PTPRG: variants seen among roughly 807,000 people sequenced by gnomAD.
The protein encoded by PTPRG is protein tyrosine phosphatase receptor type G.
PTPRG carries 102 observed loss-of-function variants against 165.3 expected under a neutral mutation model. The observed-to-expected ratio is 0.62, with a 90% CI of 0.53 to 0.73. PTPRG has a LOEUF of 0.73. Ranked by LOEUF, PTPRG falls within the 30% of genes least tolerant of loss-of-function variation. The pLI is 0.00. For missense variants in PTPRG, 1,866 were observed against 1,861.4 expected (o/e 1.00, Z -0.05); for synonymous variants, 675 against 669.5 (o/e 1.01, Z -0.13).
In PTPRG at chr3:62,255,160, A is replaced by G. The variant is rs1576182730; in HGVS notation, c.2504A>G (p.Lys835Arg). The G allele has an allele frequency of 5.0e-6, 8 of 1,613,418 alleles. 1 individual carries two copies. Among genetic ancestry groups the G allele is most frequent in the Non-Finnish European group, 5.1e-6 (6 of 1,179,598 alleles). Residue 835 changes from lysine to arginine, a missense_variant, in exon 16 of 30, where the codon AAA becomes AGA. Transcript: ENST00000474889. This position sits in a 1 kb window ranked among gnomAD's most constrained non-coding sequence, Gnocchi z 4.0. ...MEAIPVKQFV[K>R]HIGELYSNNQ... ...GCCATTCCTGTCAAACAGTTTGTCA[A>G]ACACATCGGTGAGCTCTATTCTAAT...
chr3:62,281,439 T>G, intron 26 of PTPRG, 124 bp from the exon 27 acceptor site: 1 of 782,484 alleles, frequency 1.3e-6, no homozygotes, highest in Non-Finnish European at 2.0e-6. Flanking sequence ...AACATATAAC[T>G]CTTATGAATT....
intron 4 of PTPRG, among the ~76,000 whole-genome samples, chr3:62,049,889 T>G (rs17065781): frequency 0.25 from 37,344 of 152,160 alleles, 4,739 homozygotes; most frequent in Admixed American, 0.3. Context: ...TTCGCTGTTT[T>G]TGCTGGACTT....
intron 4 of PTPRG, among the ~76,000 whole-genome samples, chr3:62,011,317 G>A (rs1167555705): frequency 1.3e-5 from 2 of 152,170 alleles, no homozygotes; most frequent in African/African-American, 2.4e-5. Flanking sequence ...GAGGTTCTAC[G>A]GGAACCCTTC....
intron 4 of PTPRG, among the ~76,000 whole-genome samples, chr3:62,026,871 G>C (rs146915811): frequency 1.9e-3 from 75 of 39,810 alleles, no homozygotes; most frequent in Non-Finnish European, 2.8e-3. Context: ...GGGAAACCGA[G>C]TGAGAATTAA....
Position 61,681,640 on chromosome 3 carries a change from C to G in PTPRG, c.86-67238C>G, listed in dbSNP as rs1172564999. ...TTCTATGAAATGTGGATTATAAGGA[C>G]TCATGCCCCATGGAATTTCTATAGG... On this transcript the variant is annotated intron_variant, in intron 1 of 29. Coordinates refer to ENST00000474889, the MANE Select transcript of PTPRG (RefSeq NM_002841.4). Among the ~76,000 whole-genome samples the G allele has an allele frequency of 3.3e-5, 5 of 152,080 alleles. No individual in the cohort carries two copies. The South Asian group carries it at 8.3e-4, about 25-fold the overall frequency.
chr3:61,723,717 C>G (rs2032144029), intron 1 of PTPRG, among the ~76,000 whole-genome samples: 2 of 152,122 alleles, frequency 1.3e-5, no homozygotes, highest in African/African-American at 4.8e-5. Context: ...AGTACAATAT[C>G]AAAACCAGGA....
intron 2 of PTPRG, among the ~76,000 whole-genome samples, chr3:61,796,952 A>G (rs2035065002): frequency 6.6e-6 from 1 of 152,166 alleles, no homozygotes; most frequent in East Asian, 1.9e-4. Flanking sequence ...CATTGTGTTC[A>G]TCTGTTTTCT....
At chr3:61,615,142 A>G (rs777489383) in intron 1 of PTPRG, among the ~76,000 whole-genome samples, 9 of 152,262 alleles carry the variant, frequency 5.9e-5, no homozygotes, top group Non-Finnish European at 7.3e-5. Context: ...ACAGTCGTGT[A>G]TCACAATACA....
Position 61,607,313 on chromosome 3 carries a change from G to C in PTPRG, c.85+44941G>C, listed in dbSNP as rs116053329. On this transcript the variant is annotated intron_variant, in intron 1 of 29. Coordinates refer to ENST00000474889, the MANE Select transcript of PTPRG (RefSeq NM_002841.4). The stretch of plus-strand genomic sequence containing the variant: ...TTTGGTGTGAATCCTCTGTCTCCTT[G>C]ACATGAGTATCCTTTAAATACTTAG... Among the ~76,000 whole-genome samples, 393 of 152,254 alleles carry C rather than the reference G, an allele frequency of 2.6e-3. 1 individual carries two copies. The highest frequency in any genetic ancestry group is 8.7e-3 in the African/African-American group (360 of 41,554).
intron 1 of PTPRG, among the ~76,000 whole-genome samples, chr3:61,732,758 A>AAATCAATC (rs1251235747): frequency 1.5e-5 from 2 of 131,502 alleles, no homozygotes; most frequent in Non-Finnish European, 3.4e-5. Flanking sequence ...ATAAATAAAT[A>AAATCAATC]AATCTTGCAT....
intron 2 of PTPRG, among the ~76,000 whole-genome samples, chr3:61,824,733 G>C (rs2036058924): frequency 6.6e-6 from 1 of 152,232 alleles, no homozygotes; most frequent in South Asian, 2.1e-4. Context: ...CAAGGTTGCA[G>C]TGAGCTGTGA....
chr3:61,634,399 G>A (rs750760626), intron 1 of PTPRG, among the ~76,000 whole-genome samples: 2 of 151,788 alleles, frequency 1.3e-5, no homozygotes, highest in South Asian at 2.1e-4. Flanking sequence ...CACCACGCCC[G>A]GCTAATTTTT....
chr3:62,265,847 TACACAC>T (rs3046596), intron 17 of PTPRG, among the ~76,000 whole-genome samples: 10,369 of 126,720 alleles, frequency 0.082, 455 homozygotes, highest in Non-Finnish European at 0.1. Context: ...CATACATACA[TACACAC>T]ACACACACAC....
chr3:62,196,613 A>G (rs1699970016), intron 10 of PTPRG, among the ~76,000 whole-genome samples: 1 of 152,040 alleles, frequency 6.6e-6, no homozygotes, highest in African/African-American at 2.4e-5. Flanking sequence ...TGGTTTGATG[A>G]CAGGCCTTAA....
intron 1 of PTPRG, chr3:61,739,092 T>A (rs2032884827): frequency 6.9e-6 from 1 of 145,888 alleles, no homozygotes; most frequent in Non-Finnish European, 1.5e-5. Flanking sequence ...TCCAAAGTGA[T>A]GGGACTTGGC....
intron 4 of PTPRG, among the ~76,000 whole-genome samples, chr3:62,054,671 G>A (rs1461305243): frequency 6.6e-6 from 1 of 152,098 alleles, no homozygotes; most frequent in Non-Finnish European, 1.5e-5. Flanking sequence ...AATTCTTCCA[G>A]GTATTTGGAA....
chr3:61,727,633 G>A (rs114379159), intron 1 of PTPRG, among the ~76,000 whole-genome samples: 150 of 152,306 alleles, frequency 9.8e-4, no homozygotes, highest in African/African-American at 3.3e-3. Flanking sequence ...GCCAACACTG[G>A]TTAATGTCCT....
chr3:62,235,179 T>C (rs921697259), intron 14 of PTPRG, among the ~76,000 whole-genome samples: 2 of 152,178 alleles, frequency 1.3e-5, no homozygotes, highest in Non-Finnish European at 2.9e-5. Flanking sequence ...CTCCCCAAAA[T>C]GAGTTGGACT....
At chr3:62,288,655 AG>A (rs1277293297) in intron 28 of PTPRG, among the ~76,000 whole-genome samples, 6 of 150,818 alleles carry the variant, frequency 4.0e-5, no homozygotes, top group Non-Finnish European at 8.8e-5. Flanking sequence ...CCTGGGCGAC[AG>A]GGTGATACTC....
Sources: gnomAD v4.1 joint callset for allele counts (sites outside exome capture counted in the v4.1 genomes callset) on GRCh38, gnomAD v4.1.1 for gene constraint, Gnocchi (gnomAD v3.1) non-coding constraint, MANE v1.5 for transcripts, NCBI Gene and HGNC (gene_info 2026-07-23, HGNC 2026-07-21) for gene names.